The following PPM1E variants were observed in gnomAD, a reference collection of about 807,000 sequenced individuals.
PPM1E encodes the protein protein phosphatase, Mg2+/Mn2+ dependent 1E.
Under a neutral mutation model 65.9 loss-of-function variants are expected in PPM1E, and 20 were observed. That is an observed-to-expected ratio of 0.30 (90% CI 0.21 to 0.44). PPM1E has a LOEUF of 0.44. PPM1E is among the 20% of genes least tolerant of loss of function. PPM1E has a pLI of 1.00. For missense variants in PPM1E, 713 were observed against 953.1 expected (o/e 0.75, Z 3.32); for synonymous variants, 352 against 374.9 (o/e 0.94, Z 0.70).
chr17:58,837,495 G>A (rs1315065180), intron 1 of PPM1E, among the ~76,000 whole-genome samples: 1 of 144,128 alleles, frequency 6.9e-6, no homozygotes, highest in Non-Finnish European at 1.5e-5. Flanking sequence ...TTAAAATCAT[G>A]AGGCTTTTTT....
At position 58,936,869 on chromosome 17, in the gene PPM1E, A is replaced by G. The variant is rs377070436; in HGVS notation, c.465-18780A>G. ...TATCTGTTGTGGTTCCTGCTTTATA[A>G]CAAGATGGCAATATTCAGTGCTGAA... On this transcript the variant is annotated intron_variant, in intron 1 of 6. Transcript: ENST00000308249. 3.3e-3 allele frequency among the ~76,000 whole-genome samples: 503 copies of G among 152,322 alleles called. 24 individuals carry two copies. The South Asian group carries it at 0.1, about 31-fold the overall frequency.
chr17:58,928,252 C>T (rs975780979), intron 1 of PPM1E, among the ~76,000 whole-genome samples: 8 of 152,046 alleles, frequency 5.3e-5, no homozygotes, highest in East Asian at 1.9e-4. Context: ...AAAGAAGATT[C>T]GCTTTATCTG....
At chr17:58,853,238 T>G (rs897380978) in intron 1 of PPM1E, among the ~76,000 whole-genome samples, 1 of 152,180 alleles carries the variant, frequency 6.6e-6, no homozygotes, top group Non-Finnish European at 1.5e-5. Context: ...TTTATAGTAT[T>G]AGGTCTTATA....
At chr17:58,837,320 A>AACACACACACACACACAC (rs371754222) in intron 1 of PPM1E, among the ~76,000 whole-genome samples, 2 of 120,242 alleles carry the variant, frequency 1.7e-5, no homozygotes, top group African/African-American at 6.6e-5. Flanking sequence ...GAATGAGAAT[A>AACACACACACACACACAC]ACACACACAC....
intron 1 of PPM1E, among the ~76,000 whole-genome samples, chr17:58,931,066 T>TAAAAAAAAAAAA (rs774968022): frequency 1.2e-4 from 10 of 83,120 alleles, no homozygotes; most frequent in East Asian, 3.3e-4. Context: ...ATACAAAAAT[T>TAAAAAAAAAAAA]AAAAAAAAAA....
chr17:58,763,855 A>T (rs547133751), intron 1 of PPM1E, among the ~76,000 whole-genome samples: 2 of 152,108 alleles, frequency 1.3e-5, no homozygotes, highest in Non-Finnish European at 2.9e-5. Flanking sequence ...ATTTTAGAAG[A>T]GGGCATTATG....
In PPM1E at chr17:58,967,197, T is replaced by A. The variant is rs1263461574; in HGVS notation, c.783+1304T>A. On this transcript the variant is annotated intron_variant, in intron 3 of 6. Coordinates refer to ENST00000308249, the MANE Select transcript of PPM1E (RefSeq NM_014906.5). Reference sequence around the variant, plus strand: ...AGAACCTAATAAATTTTCACACTCTTTGATCTGGTCATTTCACTTTTAATT... The same window carrying A: ...AGAACCTAATAAATTTTCACACTCTATGATCTGGTCATTTCACTTTTAATT... Among the ~76,000 whole-genome samples the A allele has an allele frequency of 2.0e-5, 3 of 152,186 alleles. No homozygotes were observed. The East Asian group carries it at 5.8e-4, about 29-fold the overall frequency.
At chr17:58,840,222 C>A (rs749609001) in intron 1 of PPM1E, among the ~76,000 whole-genome samples, 7 of 152,204 alleles carry the variant, frequency 4.6e-5, no homozygotes, top group Non-Finnish European at 1.0e-4. Flanking sequence ...CAGGTAAGAT[C>A]ACTCAAGCCT....
chr17:58,787,661 C>T (rs1202721321), intron 1 of PPM1E, among the ~76,000 whole-genome samples: 3 of 152,014 alleles, frequency 2.0e-5, no homozygotes, highest in African/African-American at 7.2e-5. Context: ...GTAATCCCAG[C>T]ACTTTGGGAG....
intron 1 of PPM1E, among the ~76,000 whole-genome samples, chr17:58,791,465 A>T (rs748731853): frequency 6.6e-6 from 1 of 152,222 alleles, no homozygotes; most frequent in Non-Finnish European, 1.5e-5. Flanking sequence ...AGCACGTGGC[A>T]TATATGCTCA....
At chr17:58,848,844 A>G (rs1291250371) in intron 1 of PPM1E, among the ~76,000 whole-genome samples, 7 of 152,222 alleles carry the variant, frequency 4.6e-5, no homozygotes, top group African/African-American at 1.7e-4. Flanking sequence ...TTTCAGAAGG[A>G]ATGGTACCAG....
At chr17:58,836,651 G>A (rs2050659808) in intron 1 of PPM1E, among the ~76,000 whole-genome samples, 1 of 150,768 alleles carries the variant, frequency 6.6e-6, no homozygotes, top group East Asian at 2.1e-4. Context: ...TTTTAGTAGA[G>A]ACGGGGTTTC....
At chr17:58,851,067 C>T (rs9893386) in intron 1 of PPM1E, among the ~76,000 whole-genome samples, 22,296 of 152,124 alleles carry the variant, frequency 0.15, 2,544 homozygotes, top group East Asian at 0.31. Context: ...TTGATCAAAT[C>T]GGCTACCGAA....
rs552600632 is a variant in PPM1E, at chr17:58,942,747, C to T, written c.465-12902C>T. ...CTAGATGACAAGTTAGTGGGTGCAG[C>T]GCATCAGCATGGCACATGTATACAT... On this transcript the variant is annotated intron_variant, in intron 1 of 6. Coordinates refer to ENST00000308249, the MANE Select transcript of PPM1E (RefSeq NM_014906.5). Among the ~76,000 whole-genome samples, 353 of 151,822 alleles carry T rather than the reference C, an allele frequency of 2.3e-3. 3 individuals carry two copies. The highest frequency in any genetic ancestry group is 8.1e-3 in the African/African-American group (333 of 41,366).
intron 1 of PPM1E, among the ~76,000 whole-genome samples, chr17:58,791,502 C>T (rs1954158454): frequency 6.6e-6 from 1 of 152,090 alleles, no homozygotes; most frequent in South Asian, 2.1e-4. Context: ...TAACGAAGAC[C>T]TTTTATTAGT....
intron 1 of PPM1E, among the ~76,000 whole-genome samples, chr17:58,898,616 C>T (rs1269617229): frequency 1.3e-5 from 2 of 152,150 alleles, no homozygotes; most frequent in African/African-American, 4.8e-5. Flanking sequence ...CCTCAAGGAT[C>T]TAGAACTAGA....
At chr17:58,895,067 A>G (rs1209926117) in intron 1 of PPM1E, among the ~76,000 whole-genome samples, 6 of 152,112 alleles carry the variant, frequency 3.9e-5, no homozygotes, top group African/African-American at 1.4e-4. Context: ...CAATATCCCA[A>G]ACTTCTTATT....
At chr17:58,833,417 G>A (rs2050623872) in intron 1 of PPM1E, among the ~76,000 whole-genome samples, 1 of 150,852 alleles carries the variant, frequency 6.6e-6, no homozygotes, top group African/African-American at 2.4e-5. Flanking sequence ...TTCTATTGTT[G>A]CCGTTTTTAT....
intron 1 of PPM1E, among the ~76,000 whole-genome samples, chr17:58,841,703 T>G (rs560864553): frequency 7.9e-5 from 12 of 150,964 alleles, no homozygotes; most frequent in African/African-American, 1.7e-4. Flanking sequence ...TTTTTGTGGG[T>G]TTTTTTGTTT....
Sources: gnomAD v4.1 joint callset for allele counts (sites outside exome capture counted in the v4.1 genomes callset) on GRCh38, gnomAD v4.1.1 for gene constraint, MANE v1.5 for transcripts, NCBI Gene and HGNC (gene_info 2026-07-23, HGNC 2026-07-21) for gene names.